Variants in EIF3J observed in about 807,000 individuals in gnomAD.
EIF3J encodes the protein eukaryotic translation initiation factor 3, subunit 1 (alpha, 35kD).
Under a neutral mutation model 39.0 loss-of-function variants are expected in EIF3J, and 15 were observed. The ratio of observed to expected loss-of-function variants is 0.38; its 90% CI spans 0.26 to 0.59. The LOEUF is 0.59. Ranked by LOEUF, EIF3J falls within the 20% of genes least tolerant of loss-of-function variation. The probability of loss-of-function intolerance (pLI) is 0.60; values close to 1 mark genes in which losing one functional copy is unlikely to be tolerated. For missense variants in EIF3J, 226 were observed against 308.6 expected, an observed-to-expected ratio of 0.73 and a Z score of 2.00; for synonymous variants, 98 against 112.9, an observed-to-expected ratio of 0.87 and a Z score of 0.84.
Position 44,562,232 on chromosome 15 carries a change from AT to A in EIF3J, c.*1084del, listed in dbSNP as rs1158915351. The stretch of plus-strand genomic sequence containing the variant: ...AACATGAGTGATTTGCCAGGTCCTT[AT>A]GTTGTCACCATAGAGCAACAAAGGT... On this transcript the variant is annotated 3_prime_UTR_variant, in exon 8 of 8. Coordinates refer to ENST00000261868, the MANE Select transcript of EIF3J (RefSeq NM_003758.4). 2 of 152,594 alleles carry A rather than the reference AT, an allele frequency of 1.3e-5. No homozygotes were observed. Among genetic ancestry groups the A allele is most frequent in the Non-Finnish European group, 2.9e-5 (2 of 68,018 alleles). 9.5% of individuals were successfully genotyped at this position (152,594 alleles called of 1,614,324 possible). A position where few individuals can be genotyped will look rare whatever the true frequency, so the allele number is the denominator to read the frequency against.
chr15:44,539,433 A>G (rs2081989298), intron 2 of EIF3J, among the ~76,000 whole-genome samples: 1 of 150,564 alleles, frequency 6.6e-6, no homozygotes, highest in South Asian at 2.1e-4. Flanking sequence ...TTGGAAATGG[A>G]GTCTCGCTCT....
At chr15:44,546,888 TC>T (rs1265025057) in intron 2 of EIF3J, among the ~76,000 whole-genome samples, 2 of 139,820 alleles carry the variant, frequency 1.4e-5, no homozygotes, top group Non-Finnish European at 3.1e-5. Context: ...AGTGGCTCGA[TC>T]CTGGCTCACT....
chr15:44,537,320 G>A lies in EIF3J; in HGVS notation c.44-4G>A, dbSNP rs1318060669. On this transcript the variant is annotated splice_region_variant and splice_polypyrimidine_tract_variant and intron_variant, in intron 1 of 7. Transcript: ENST00000261868. Reference sequence around the variant, plus strand: ...GCACTAACACGGCTCGCTTTCTTCCGTAGACGCCGACGCTTTCTCCGTGGA... The same window carrying A: ...GCACTAACACGGCTCGCTTTCTTCCATAGACGCCGACGCTTTCTCCGTGGA... 1 of 1,561,578 alleles carries A rather than the reference G, an allele frequency of 6.4e-7. No homozygotes were observed. The highest frequency in any genetic ancestry group is 8.7e-7 in the Non-Finnish European group (1 of 1,153,414).
chr15:44,540,563 G>A (rs1176063918), intron 2 of EIF3J, among the ~76,000 whole-genome samples: 1 of 151,868 alleles, frequency 6.6e-6, no homozygotes, highest in Non-Finnish European at 1.5e-5. Context: ...GTGAGCCACT[G>A]CACCTGGCCT....
At chr15:44,560,425 C>A in intron 7 of EIF3J, 103 bp downstream of exon 7, 2 of 1,076,842 alleles carry the variant, frequency 1.9e-6, no homozygotes, top group Non-Finnish European at 1.3e-6. Flanking sequence ...AAAAGTCAAG[C>A]AACTCACTAA....
chr15:44,556,822 A>G (rs1161840907), intron 5 of EIF3J, among the ~76,000 whole-genome samples: 2 of 151,780 alleles, frequency 1.3e-5, no homozygotes, highest in Non-Finnish European at 2.9e-5. Context: ...ACACCTGGCT[A>G]ATTAAAAAAA....
intron 7 of EIF3J, among the ~76,000 whole-genome samples, 163 bp from the exon 8 acceptor site, chr15:44,560,855 G>A (rs1027180980): frequency 2.0e-5 from 3 of 152,166 alleles, no homozygotes; most frequent in African/African-American, 4.8e-5. Flanking sequence ...GACTGACTCT[G>A]GGAGACCTGT....
intron 2 of EIF3J, among the ~76,000 whole-genome samples, chr15:44,544,098 C>CTTTTTT (rs10630378): frequency 2.2e-5 from 3 of 134,076 alleles, no homozygotes; most frequent in Non-Finnish European, 3.1e-5. Flanking sequence ...CTTTTCTTTT[C>CTTTTTT]TTTTTTTTTT....
chr15:44,547,638 C>T (rs1390708011), intron 2 of EIF3J, among the ~76,000 whole-genome samples: 1 of 151,706 alleles, frequency 6.6e-6, no homozygotes, highest in Non-Finnish European at 1.5e-5. Context: ...TTAGTAGAGA[C>T]AGGGTTTCAC....
Position 44,562,349 on chromosome 15 carries a change from T to G in EIF3J, c.*1200T>G, listed in dbSNP as rs897885940. Reference sequence around the variant, plus strand: ...TAATTAAGTACCTATAAGAACTATTTATTTGGAGTAACTGAGCCTGTAACT... The same window carrying G: ...TAATTAAGTACCTATAAGAACTATTGATTTGGAGTAACTGAGCCTGTAACT... On this transcript the variant is annotated 3_prime_UTR_variant, in exon 8 of 8. Transcript: ENST00000261868. The G allele has an allele frequency of 1.6e-4, 24 of 152,644 alleles. No homozygotes were observed. The highest frequency in any genetic ancestry group is 1.2e-4 in the Non-Finnish European group (8 of 68,028). The allele number at this position is 152,644 out of a possible 1,614,324, so 9.5% of individuals were successfully genotyped here. A position where few individuals can be genotyped will look rare whatever the true frequency, so the allele number is the denominator to read the frequency against.
chr15:44,551,561 G>C, intron 4 of EIF3J, 39 bp downstream of exon 4: 1 of 1,469,408 alleles, frequency 6.8e-7, no homozygotes. Context: ...TCTCACATCG[G>C]TAGTGGTATA....
chr15:44,548,614 C>A (rs1333850867), intron 2 of EIF3J, among the ~76,000 whole-genome samples: 1 of 152,128 alleles, frequency 6.6e-6, no homozygotes, highest in African/African-American at 2.4e-5. Context: ...AGATTTATTT[C>A]TTATGGTTAT....
chr15:44,551,364 A>C (rs1176099779), intron 3 of EIF3J, 67 bp from the exon 4 acceptor site: 9 of 1,013,152 alleles, frequency 8.9e-6, no homozygotes, highest in Non-Finnish European at 1.0e-5. Context: ...TACAAGTATC[A>C]TGTCTGTCTC....
Position 44,562,584 on chromosome 15 carries a change from G to C in EIF3J, c.*1435G>C, listed in dbSNP as rs1199117662. The C allele has an allele frequency of 1.3e-5, 2 of 153,416 alleles. No individual in the cohort carries two copies. The highest frequency in any genetic ancestry group is 4.8e-5 in the African/African-American group (2 of 41,430). 9.5% of individuals were successfully genotyped at this position (153,416 alleles called of 1,614,324 possible). A position where few individuals can be genotyped will look rare whatever the true frequency, so the allele number is the denominator to read the frequency against. On this transcript the variant is annotated 3_prime_UTR_variant, in exon 8 of 8. Coordinates refer to ENST00000261868, the MANE Select transcript of EIF3J (RefSeq NM_003758.4). ...AACAAGACCATCATCTAAGTGATTT[G>C]AGAAATTAACAAAAGTAGTGACTAC... is the stretch of plus-strand genomic sequence containing the variant.
At chr15:44,557,236 GC>G (rs2082152062) in intron 5 of EIF3J, among the ~76,000 whole-genome samples, 1 of 152,046 alleles carries the variant, frequency 6.6e-6, no homozygotes, top group Non-Finnish European at 1.5e-5. Context: ...GTGATTTGTT[GC>G]CAGTCAATTG....
At chr15:44,556,713 T>C (rs572545114) in intron 5 of EIF3J, among the ~76,000 whole-genome samples, 31 of 152,314 alleles carry the variant, frequency 2.0e-4, no homozygotes, top group Admixed American at 1.6e-3. Context: ...TTTCACCATG[T>C]TGGCCAGGCT....
rs189639411 is a variant in EIF3J, at chr15:44,560,236, T to C, written c.572-13T>C. ...AAAATTCAAGTTTAATGGTATGCCC[T>C]TTTTTTTTTAAGTGGAAATTGATGA... On this transcript the variant is annotated splice_polypyrimidine_tract_variant and intron_variant, in intron 6 of 7. Coordinates refer to ENST00000261868, the MANE Select transcript of EIF3J (RefSeq NM_003758.4). 821 of 1,142,792 alleles carry C rather than the reference T, an allele frequency of 7.2e-4. 8 individuals are homozygous for C. The African/African-American group carries it at 0.011, about 16-fold the overall frequency. 70.8% of individuals were successfully genotyped at this position (1,142,792 alleles called of 1,614,324 possible).
At chr15:44,560,620 A>G (rs2082183772) in intron 7 of EIF3J, 3 of 363,526 alleles carry the variant, frequency 8.3e-6, no homozygotes, top group Non-Finnish European at 1.5e-5. Context: ...CTCCCTTCTA[A>G]AATAGGAACA....
At chr15:44,560,206 G>A (rs374402879) in intron 6 of EIF3J, 43 bp from the exon 7 acceptor site, 1 of 1,543,210 alleles carries the variant, frequency 6.5e-7, no homozygotes, top group Non-Finnish European at 8.8e-7. Flanking sequence ...TTTTCAAAAT[G>A]CTTAAAAATT....
Sources: allele counts gnomAD v4.1 joint callset (sites outside exome capture counted in the v4.1 genomes callset), GRCh38; gene constraint gnomAD v4.1.1; transcripts MANE v1.5; gene names NCBI Gene and HGNC (gene_info 2026-07-23, HGNC 2026-07-21).